SNX31: variants seen among roughly 807,000 people sequenced by gnomAD.
SNX31 encodes the protein sorting nexin-31.
SNX31 carries 58 observed loss-of-function variants against 65.4 expected under a neutral mutation model. The ratio of observed to expected loss-of-function variants is 0.89; its 90% CI spans 0.72 to 1.10. The LOEUF is 1.10. Ranked by LOEUF, SNX31 falls within the 50% of genes least tolerant of loss-of-function variation. The probability of loss-of-function intolerance (pLI) is 0.00; values close to 1 mark genes in which losing one functional copy is unlikely to be tolerated. For missense variants in SNX31, 523 were observed against 529.7 expected, an observed-to-expected ratio of 0.99 and a Z score of 0.12; for synonymous variants, 181 against 190.1, an observed-to-expected ratio of 0.95 and a Z score of 0.39.
At chr8:100,633,658 G>C (rs1818559919) in intron 3 of SNX31, among the ~76,000 whole-genome samples, 1 of 152,098 alleles carries the variant, frequency 6.6e-6, no homozygotes, top group South Asian at 2.1e-4. Flanking sequence ...GCCCACCTCA[G>C]CCTCCCAAAG....
Position 100,625,741 on chromosome 8 carries a change from G to A in SNX31, c.321+4586C>T, listed in dbSNP as rs1424069429. Among the ~76,000 whole-genome samples the A allele has an allele frequency of 6.6e-6, 1 of 152,236 alleles. No individual in the cohort carries two copies. The highest frequency in any genetic ancestry group is 1.9e-4 in the East Asian group (1 of 5,174). ...CAAAGTGCTGCAGAACTCAAGCAAC[G>A]CATAAGCTGCCTCAAAGCAGTTAAT... On this transcript the variant is annotated intron_variant, in intron 4 of 13. Coordinates refer to ENST00000311812, the MANE Select transcript of SNX31 (RefSeq NM_152628.4). This position sits in a 1 kb window ranked among gnomAD's most constrained non-coding sequence, Gnocchi z 4.2.
Position 100,649,597 on chromosome 8 carries a change from G to A in SNX31, c.-83C>T. The A allele has an allele frequency of 7.5e-7, 1 of 1,340,698 alleles. No individual in the cohort carries two copies. The highest frequency in any genetic ancestry group is 1.3e-5 in the South Asian group (1 of 74,776). The allele number at this position is 1,340,698 out of a possible 1,614,324, so 83.1% of individuals were successfully genotyped here. Reference sequence around the variant, plus strand: ...CGCGGCTCTGAACTCGGCAGCGGTGGACGCAGCGCGGCCTGCCACGCGACT... The same window carrying A: ...CGCGGCTCTGAACTCGGCAGCGGTGAACGCAGCGCGGCCTGCCACGCGACT... On this transcript the variant is annotated 5_prime_UTR_variant, in exon 1 of 14. Coordinates refer to ENST00000311812, the MANE Select transcript of SNX31 (RefSeq NM_152628.4).
At chr8:100,587,350 A>G (rs1363966436) in intron 11 of SNX31, among the ~76,000 whole-genome samples, 1 of 152,218 alleles carries the variant, frequency 6.6e-6, no homozygotes, top group Non-Finnish European at 1.5e-5. Flanking sequence ...AAATGATGCC[A>G]CAAGTGGGAA....
At chr8:100,639,677 T>C (rs879446414) in intron 2 of SNX31, among the ~76,000 whole-genome samples, 3 of 152,202 alleles carry the variant, frequency 2.0e-5, no homozygotes, top group African/African-American at 4.8e-5. Context: ...TGGGTTTGTA[T>C]ACACACATAT....
In SNX31 at chr8:100,612,203, G is replaced by T; in HGVS notation, c.524-116C>A. ...ATTGGAAATAATAAAATCACAGTAA[G>T]AATATCCTCTGTATTTACACGTAAT... is the stretch of plus-strand genomic sequence containing the variant. On this transcript the variant is annotated intron_variant, in intron 6 of 13. Coordinates refer to ENST00000311812, the MANE Select transcript of SNX31 (RefSeq NM_152628.4). The surrounding 1 kb of genome is among the most constrained non-coding windows in gnomAD (Gnocchi z 4.3). The T allele has an allele frequency of 1.6e-6, 1 of 643,450 alleles. No homozygotes were observed. Among genetic ancestry groups the T allele is most frequent in the South Asian group, 2.0e-5 (1 of 49,196 alleles). The allele number at this position is 643,450 out of a possible 1,614,324, so 39.9% of individuals were successfully genotyped here.
At chr8:100,647,353 A>AAT (rs1311193050) in intron 2 of SNX31, among the ~76,000 whole-genome samples, 1 of 152,212 alleles carries the variant, frequency 6.6e-6, no homozygotes, top group Non-Finnish European at 1.5e-5. Flanking sequence ...TAAAGGCCCC[A>AAT]ATAGTAAATA....
Position 100,573,759 on chromosome 8 carries a change from G to T in SNX31, c.*106C>A. ...CATGTTAATGCCAAAAAAATGGGAA[G>T]AGGTCAAATTTCCTCCACTGATGGT... On this transcript the variant is annotated 3_prime_UTR_variant, in exon 14 of 14. Coordinates refer to ENST00000311812, the MANE Select transcript of SNX31 (RefSeq NM_152628.4). The T allele has an allele frequency of 1.5e-6, 1 of 649,326 alleles. No homozygotes were observed. The highest frequency in any genetic ancestry group is 2.6e-6 in the Non-Finnish European group (1 of 389,104). The allele number at this position is 649,326 out of a possible 1,614,324, so 40.2% of individuals were successfully genotyped here. A position where few individuals can be genotyped will look rare whatever the true frequency, so the allele number is the denominator to read the frequency against.
chr8:100,580,171 A>C (rs900190092), intron 12 of SNX31, among the ~76,000 whole-genome samples: 15 of 151,982 alleles, frequency 9.9e-5, no homozygotes, highest in Admixed American at 1.3e-4. Context: ...AAAAAAAAAA[A>C]AAAAAACAGT....
chr8:100,635,573 T>C (rs781562762), intron 3 of SNX31, among the ~76,000 whole-genome samples: 1 of 143,628 alleles, frequency 7.0e-6, no homozygotes, highest in African/African-American at 2.6e-5. Flanking sequence ...AAAAAAAAGG[T>C]ATTTTTAAAA....
intron 7 of SNX31, 44 bp downstream of exon 7, chr8:100,611,956 C>A (rs1179098236): frequency 1.4e-6 from 2 of 1,474,944 alleles, no homozygotes; most frequent in South Asian, 1.1e-5. Context: ...TGGGCAATGG[C>A]GAAGTGTCGT....
At chr8:100,599,859 C>T (rs566511758) in intron 9 of SNX31, among the ~76,000 whole-genome samples, 6 of 152,280 alleles carry the variant, frequency 3.9e-5, no homozygotes, top group East Asian at 1.9e-4. Flanking sequence ...TAATAGAACA[C>T]GTACTCAAAG....
rs189718526 is a variant in SNX31 at position 100,600,458 on chromosome 8, T to C, written c.682-17A>G. The C allele has an allele frequency of 2.5e-6, 4 of 1,599,216 alleles. No individual in the cohort carries two copies. The highest frequency in any genetic ancestry group is 2.7e-5 in the African/African-American group (2 of 74,426). On this transcript the variant is annotated splice_polypyrimidine_tract_variant and intron_variant, in intron 8 of 13. Transcript: ENST00000311812. The stretch of plus-strand genomic sequence containing the variant: ...CTGTATTGCCTTAAAATAACATAAG[T>C]TGTAAAATTAGCAGTCTTAGCAGAA...
intron 12 of SNX31, chr8:100,582,481 T>C (rs921370468): frequency 1.3e-5 from 2 of 152,196 alleles, no homozygotes; most frequent in African/African-American, 4.8e-5. Flanking sequence ...GATTTACTAC[T>C]CTCTAGCACA....
chr8:100,650,829 T>C (rs1819943341), upstream of SNX31, among the ~76,000 whole-genome samples: 1 of 149,752 alleles, frequency 6.7e-6, no homozygotes, highest in African/African-American at 2.5e-5. Flanking sequence ...TTGGGCAAAT[T>C]AGTGTTTTTT....
upstream of SNX31, among the ~76,000 whole-genome samples, chr8:100,650,162 C>G (rs764121560): frequency 6.6e-6 from 1 of 152,176 alleles, no homozygotes; most frequent in Non-Finnish European, 1.5e-5. Context: ...CTCTGGACTA[C>G]CCAGTGCAAG....
At chr8:100,581,315 ATATCTATATCTATCTATCTATC>A (rs1484171610) in intron 12 of SNX31, among the ~76,000 whole-genome samples, 2 of 124,094 alleles carry the variant, frequency 1.6e-5, no homozygotes, top group African/African-American at 4.4e-5. Flanking sequence ...AATTTTTTAT[ATATCTATATCTATCTATCTATC>A]TATATATATA....
chr8:100,597,675 C>T (rs1308472110), intron 9 of SNX31, among the ~76,000 whole-genome samples: 2 of 152,174 alleles, frequency 1.3e-5, no homozygotes, highest in South Asian at 2.1e-4. Context: ...AATGAGGGCA[C>T]GAGCTGGTCT....
chr8:100,607,847 A>T (rs1286917442), intron 8 of SNX31, among the ~76,000 whole-genome samples: 1 of 152,242 alleles, frequency 6.6e-6, no homozygotes, highest in African/African-American at 2.4e-5. Context: ...TAAAATGAAG[A>T]ATTTCAAGTT....
chr8:100,638,139 C>G (rs1818910367), intron 2 of SNX31, among the ~76,000 whole-genome samples: 1 of 152,174 alleles, frequency 6.6e-6, no homozygotes, highest in South Asian at 2.1e-4. Flanking sequence ...GGCAACAGAG[C>G]AAGACTTTAT....
Sources: allele counts gnomAD v4.1 joint callset (sites outside exome capture counted in the v4.1 genomes callset), GRCh38; gene constraint gnomAD v4.1.1; non-coding constraint Gnocchi (gnomAD v3.1); transcripts MANE v1.5; gene names NCBI Gene and HGNC (gene_info 2026-07-23, HGNC 2026-07-21).